The following AP5S1 variants were observed in gnomAD, a reference collection of about 807,000 sequenced individuals.
AP5S1 encodes the protein AP-5 complex subunit sigma-1.
Under a neutral mutation model 13.9 loss-of-function variants are expected in AP5S1, and 13 were observed. The ratio of observed to expected loss-of-function variants is 0.94; its 90% CI spans 0.61 to 1.49. The LOEUF (loss-of-function observed/expected upper bound fraction) is 1.49, where lower values mean the gene tolerates loss of function less well. Among genes scored for constraint, AP5S1 ranks in the 40% most tolerant of loss-of-function variants. The probability of loss-of-function intolerance (pLI) is 0.00; values close to 1 mark genes in which losing one functional copy is unlikely to be tolerated. For synonymous variants in AP5S1, 132 were observed against 121.8 expected (o/e 1.08, Z -0.55); for missense variants, 292 against 272.3 (o/e 1.07, Z -0.51).
Position 3,827,317 on chromosome 20 carries a change from T to C in AP5S1, c.*3020T>C, listed in dbSNP as rs138151838. ...TTTCTCTTTGTTGCCCAGGCTGGAG[T>C]GCAGTGGCGCAATCTCGGCTCATTG... On this transcript the variant is annotated 3_prime_UTR_variant, in exon 3 of 3. Transcript: ENST00000615891. 5.3e-5 allele frequency: 8 copies of C among 152,376 alleles called. No homozygotes were observed. The highest frequency in any genetic ancestry group is 1.9e-4 in the African/African-American group (8 of 41,546). The allele number at this position is 152,376 out of a possible 1,614,324, so 9.4% of individuals were successfully genotyped here.
Position 3,824,430 on chromosome 20 carries a change from A to G in AP5S1, c.*133A>G. ...GGACAAGTGGGTGACACAAGCCTGC[A>G]GAAAGGGGGCTGGGCAGAGGGTGGA... is the stretch of plus-strand genomic sequence containing the variant. On this transcript the variant is annotated 3_prime_UTR_variant, in exon 3 of 3. Transcript: ENST00000615891. 1 of 936,944 alleles carries G rather than the reference A, an allele frequency of 1.1e-6. No homozygotes were observed. The highest frequency in any genetic ancestry group is 2.6e-5 in the East Asian group (1 of 38,038). 58.0% of individuals were successfully genotyped at this position (936,944 alleles called of 1,614,324 possible).
rs1159092557 is a variant in AP5S1 at position 3,826,853 on chromosome 20, C to T, written c.*2556C>T. 6.6e-6 allele frequency: 1 copy of T among 152,204 alleles called. No individual in the cohort carries two copies. Among genetic ancestry groups the T allele is most frequent in the Non-Finnish European group, 1.5e-5 (1 of 68,086 alleles). 9.4% of individuals were successfully genotyped at this position (152,204 alleles called of 1,614,324 possible). The stretch of plus-strand genomic sequence containing the variant: ...GGTGCAATGCAGGATACAGAATGAC[C>T]CCAAAGTTCCAGGAGAGACAGAGCT... On this transcript the variant is annotated 3_prime_UTR_variant, in exon 3 of 3. Transcript: ENST00000615891.
At chr20:3,822,420 T>A in intron 2 of AP5S1, 127 bp downstream of exon 2, 3 of 837,604 alleles carry the variant, frequency 3.6e-6, no homozygotes, top group Non-Finnish European at 5.6e-6. Flanking sequence ...AGAGTAGCAT[T>A]TCCCAGAGAG....
rs2089636319 is a variant in AP5S1, at chr20:3,828,393, A to G, written c.*4096A>G. 6.6e-6 allele frequency: 1 copy of G among 152,136 alleles called. No homozygotes were observed. The highest frequency in any genetic ancestry group is 1.5e-5 in the Non-Finnish European group (1 of 68,026). 9.4% of individuals were successfully genotyped at this position (152,136 alleles called of 1,614,324 possible). A position where few individuals can be genotyped will look rare whatever the true frequency, so the allele number is the denominator to read the frequency against. ...ACACGTCACTATCACCAGAGTCCATAGTTTACATTAGGGTTCACTCTTGGG... is the reference window on the plus strand; with the variant it reads ...ACACGTCACTATCACCAGAGTCCATGGTTTACATTAGGGTTCACTCTTGGG... On this transcript the variant is annotated 3_prime_UTR_variant, in exon 3 of 3. Coordinates refer to ENST00000615891, the MANE Select transcript of AP5S1 (RefSeq NM_018347.3).
Position 3,820,771 on chromosome 20 carries a change from G to C in AP5S1, c.-17+13G>C, listed in dbSNP as rs1431866490. On this transcript the variant is annotated intron_variant, in intron 1 of 2. Transcript: ENST00000615891. ...CGGAGGCAGTGACGTAAGCTGTCTT[G>C]ACCGCTACCATTTCTCTAGTAGAGG... 1 of 152,274 alleles carries C rather than the reference G, an allele frequency of 6.6e-6. No individual in the cohort carries two copies. The highest frequency in any genetic ancestry group is 1.5e-5 in the Non-Finnish European group (1 of 68,064). The allele number at this position is 152,274 out of a possible 1,614,324, so 9.4% of individuals were successfully genotyped here.
rs1247533172 is a variant in AP5S1, at chr20:3,823,940, A to G, written c.246A>G (p.Gln82=). The G allele has an allele frequency of 1.2e-6, 2 of 1,607,436 alleles. No individual in the cohort carries two copies. The highest frequency in any genetic ancestry group is 1.7e-6 in the Non-Finnish European group (2 of 1,179,968). ...GGCCCCCCATGGACCTGCAGCCGCA[A>G]TCCTCAGATGAGCAAGTGCCGCTGC... ...SGRPPMDLQP[Q]SSDEQVPLHE... Residue 82 remains glutamine (Q), a synonymous_variant, in exon 3 of 3, where the codon CAA becomes CAG. Transcript: ENST00000615891.
rs2089630934 is a variant in AP5S1 at position 3,827,429 on chromosome 20, G to A, written c.*3132G>A. On this transcript the variant is annotated 3_prime_UTR_variant, in exon 3 of 3. Transcript: ENST00000615891. ...GGTGCCTGCCACCACGTCCGGTTAA[G>A]TTTTTCTATTTTTAGTAGAGACGGG... 1 of 152,044 alleles carries A rather than the reference G, an allele frequency of 6.6e-6. No individual in the cohort carries two copies. Among genetic ancestry groups the A allele is most frequent in the Admixed American group, 6.6e-5 (1 of 15,246 alleles). 9.4% of individuals were successfully genotyped at this position (152,044 alleles called of 1,614,324 possible).
At position 3,824,623 on chromosome 20, in the gene AP5S1, C is replaced by T; in HGVS notation, c.*326C>T. ...GGGTGAGGAGCTGCCTGGAGCTCAC[C>T]CCGCTCTTCTTCCAAACCCACAGTC... On this transcript the variant is annotated 3_prime_UTR_variant, in exon 3 of 3. Transcript: ENST00000615891. 3.0e-6 allele frequency: 1 copy of T among 329,680 alleles called. No homozygotes were observed. The highest frequency in any genetic ancestry group is 8.8e-4 in the Middle Eastern group (1 of 1,130). The allele number at this position is 329,680 out of a possible 1,614,324, so 20.4% of individuals were successfully genotyped here. A position where few individuals can be genotyped will look rare whatever the true frequency, so the allele number is the denominator to read the frequency against.
At chr20:3,822,485 C>A (rs907495844) in intron 2 of AP5S1, among the ~76,000 whole-genome samples, 192 bp downstream of exon 2, 3 of 152,120 alleles carry the variant, frequency 2.0e-5, no homozygotes, top group Non-Finnish European at 4.4e-5. Context: ...AATAATAATT[C>A]TGTTATCATT....
Position 3,824,303 on chromosome 20 carries a change from CG to C in AP5S1, c.*7del, listed in dbSNP as rs746456825. 6.2e-7 allele frequency: 1 copy of C among 1,606,734 alleles called. No homozygotes were observed. The highest frequency in any genetic ancestry group is 1.3e-5 in the African/African-American group (1 of 74,870). On this transcript the variant is annotated 3_prime_UTR_variant, in exon 3 of 3. Transcript: ENST00000615891. ...GTGCCGCTTGGCCCCGCTGATTCCT[CG>C]TTGGGATGGTGCTTCTGAGGGCAGG...
rs2089572386 is a variant in AP5S1 at position 3,820,759 on chromosome 20, G to C, written c.-17+1G>C. ...GCCTCAAGGTTACGGAGGCAGTGAC[G>C]TAAGCTGTCTTGACCGCTACCATTT... On this transcript the variant is annotated splice_donor_variant, in intron 1 of 2. Coordinates refer to ENST00000615891, the MANE Select transcript of AP5S1 (RefSeq NM_018347.3). LOFTEE classifies it low-confidence loss of function (5UTR_SPLICE). The C allele has an allele frequency of 6.6e-6, 1 of 152,266 alleles. No homozygotes were observed. Among genetic ancestry groups the C allele is most frequent in the Non-Finnish European group, 1.5e-5 (1 of 68,054 alleles). The allele number at this position is 152,266 out of a possible 1,614,324, so 9.4% of individuals were successfully genotyped here.
rs141669377 is a variant in AP5S1, at chr20:3,824,108, G to A, written c.414G>A (p.Thr138=). The A allele has an allele frequency of 2.2e-3, 3,491 of 1,613,882 alleles. 45 individuals carry two copies. Among genetic ancestry groups the A allele is most frequent in the Non-Finnish European group, 9.4e-4 (1,106 of 1,180,026 alleles). ...AGAACCTGCTACTGGCTGAGGGCAC[G>A]CTCCGGCTGCTGACACGCCTCCTCC... The part of the protein sequence containing the change: ...AHENLLLAEG[T]LRLLTRLLLD... Residue 138 remains threonine (T), a synonymous_variant, in exon 3 of 3, where the codon ACG becomes ACA. Coordinates refer to ENST00000615891, the MANE Select transcript of AP5S1 (RefSeq NM_018347.3).
chr20:3,822,559 A>G (rs921551043), intron 2 of AP5S1, among the ~76,000 whole-genome samples: 3 of 152,214 alleles, frequency 2.0e-5, no homozygotes, highest in Non-Finnish European at 4.4e-5. Flanking sequence ...AACATCTTAT[A>G]TATATTAACT....
Position 3,822,307 on chromosome 20 carries a change from C to T in AP5S1, c.176+14C>T. 1 of 1,611,630 alleles carries T rather than the reference C, an allele frequency of 6.2e-7. No homozygotes were observed. Among genetic ancestry groups the T allele is most frequent in the South Asian group, 1.1e-5 (1 of 91,052 alleles). ...AGCTGTGGCCAGGTAACCACACAGCCCAGCCCCAGGCCTTCATTGAACACG... is the reference window on the plus strand; with the variant it reads ...AGCTGTGGCCAGGTAACCACACAGCTCAGCCCCAGGCCTTCATTGAACACG... On this transcript the variant is annotated intron_variant, in intron 2 of 2. Coordinates refer to ENST00000615891, the MANE Select transcript of AP5S1 (RefSeq NM_018347.3).
chr20:3,828,213 T>G lies in AP5S1; in HGVS notation c.*3916T>G, dbSNP rs2089635486. ...CCGTGACCGTTTTCTTAAATATACTTTATTTGTTTAGTGCAATTTTAGGTT... is the reference window on the plus strand; with the variant it reads ...CCGTGACCGTTTTCTTAAATATACTGTATTTGTTTAGTGCAATTTTAGGTT... On this transcript the variant is annotated 3_prime_UTR_variant, in exon 3 of 3. Transcript: ENST00000615891. 6.6e-6 allele frequency: 1 copy of G among 152,192 alleles called. No individual in the cohort carries two copies. The highest frequency in any genetic ancestry group is 6.5e-5 in the Admixed American group (1 of 15,276). The allele number at this position is 152,192 out of a possible 1,614,324, so 9.4% of individuals were successfully genotyped here.
intron 2 of AP5S1, among the ~76,000 whole-genome samples, chr20:3,823,238 A>AT (rs1055965928): frequency 2.0e-5 from 3 of 152,008 alleles, no homozygotes; most frequent in East Asian, 1.9e-4. Context: ...GATGGCGTTT[A>AT]TTTTCTGCCT....
At position 3,822,210 on chromosome 20, in the gene AP5S1, TGAG is replaced by T. The variant is rs2089588660; in HGVS notation, c.94_96del (p.Glu32del). On this transcript the variant is annotated inframe_deletion, in exon 2 of 3. Transcript: ENST00000615891. The stretch of plus-strand genomic sequence containing the variant: ...TGCTGTACTCCTGCGTCTTCGGTGC[TGAG>T]AAGTCACCTGATGACCCACGGCCGC... 1.2e-6 allele frequency: 2 copies of T among 1,614,104 alleles called. No homozygotes were observed. The highest frequency in any genetic ancestry group is 1.7e-6 in the Non-Finnish European group (2 of 1,180,044).
In AP5S1 at chr20:3,826,690, G is replaced by C. The variant is rs1039524176; in HGVS notation, c.*2393G>C. 1 of 152,172 alleles carries C rather than the reference G, an allele frequency of 6.6e-6. No individual in the cohort carries two copies. Among genetic ancestry groups the C allele is most frequent in the African/African-American group, 2.4e-5 (1 of 41,406 alleles). 9.4% of individuals were successfully genotyped at this position (152,172 alleles called of 1,614,324 possible). A position where few individuals can be genotyped will look rare whatever the true frequency, so the allele number is the denominator to read the frequency against. On this transcript the variant is annotated 3_prime_UTR_variant, in exon 3 of 3. Transcript: ENST00000615891. ...CCAGTTCCTGTCCAGCTGGACCAGG[G>C]TTTTCTTAACCAGATGAGCTTGCCC...
chr20:3,828,159 CTG>C lies in AP5S1; in HGVS notation c.*3864_*3865del, dbSNP rs1402944889. 6.6e-6 allele frequency: 1 copy of C among 152,206 alleles called. No individual in the cohort carries two copies. The highest frequency in any genetic ancestry group is 2.4e-5 in the African/African-American group (1 of 41,458). The allele number at this position is 152,206 out of a possible 1,614,324, so 9.4% of individuals were successfully genotyped here. A position where few individuals can be genotyped will look rare whatever the true frequency, so the allele number is the denominator to read the frequency against. ...ACTCTGTGACCCGTTAACCAAGTCTCTGTATGTTTATTACTGCAATTCAAGTG... is the reference window on the plus strand; with the variant it reads ...ACTCTGTGACCCGTTAACCAAGTCTCTATGTTTATTACTGCAATTCAAGTG... On this transcript the variant is annotated 3_prime_UTR_variant, in exon 3 of 3. Transcript: ENST00000615891.
Sources: gnomAD v4.1 joint callset for allele counts (sites outside exome capture counted in the v4.1 genomes callset) on GRCh38, gnomAD v4.1.1 for gene constraint, MANE v1.5 for transcripts, NCBI Gene and HGNC (gene_info 2026-07-23, HGNC 2026-07-21) for gene names.